Variants in CLTRN observed in about 807,000 individuals in gnomAD.
CLTRN encodes the protein collectrin, amino acid transport regulator, also known as collectrin.
In CLTRN, 12 loss-of-function variants were observed where a neutral mutation model predicts 14.5. The observed-to-expected ratio is 0.83, with a 90% confidence interval of 0.53 to 1.34. The LOEUF is 1.34. Among genes scored for constraint, CLTRN ranks in the 40% most tolerant of loss-of-function variants. The pLI is 0.00. For synonymous variants in CLTRN, 58 were observed against 56.5 expected, an observed-to-expected ratio of 1.03 and a Z score of -0.12; for missense variants, 154 against 165.1, an observed-to-expected ratio of 0.93 and a Z score of 0.37.
chrX:15,633,911 A>G (rs772630086), intron 5 of CLTRN, among the ~76,000 whole-genome samples: 1 of 112,369 alleles, frequency 8.9e-6, no homozygotes, highest in African/African-American at 3.2e-5. Context: ...CACAATACAT[A>G]CTATAGCTCC....
At chrX:15,666,609 C>A (rs771880908), upstream of CLTRN, among the ~76,000 whole-genome samples, 1 of 111,961 alleles carries the variant, frequency 8.9e-6, no homozygotes, top group African/African-American at 3.3e-5. Flanking sequence ...GGACCCACAT[C>A]CATCAGCTAA....
At chrX:15,632,135 T>C (rs755064471) in intron 5 of CLTRN, among the ~76,000 whole-genome samples, 1 of 111,339 alleles carries the variant, frequency 9.0e-6, no homozygotes, top group Non-Finnish European at 1.9e-5. Flanking sequence ...CTCATAAATA[T>C]AGAGAGAAGA....
rs1477508365 is a variant in CLTRN, at chrX:15,664,777, C to T, written c.-2G>A. ...CAGAAAAAAGAGCAGCCACAACATT[C>T]TTTCAGGGTGGAAAACACAAGGCAA... On this transcript the variant is annotated 5_prime_UTR_variant, in exon 1 of 6. Transcript: ENST00000380342. 2.5e-6 allele frequency: 3 copies of T among 1,207,805 alleles called. No individual in the cohort carries two copies. Among genetic ancestry groups the T allele is most frequent in the African/African-American group, 1.7e-5 (1 of 57,615 alleles).
chrX:15,649,156 T>A (rs767435469), intron 3 of CLTRN, among the ~76,000 whole-genome samples: 1 of 110,049 alleles, frequency 9.1e-6, no homozygotes, highest in Non-Finnish European at 1.9e-5. Context: ...ACTGTGGAGG[T>A]GTGAAGTAAG....
At chrX:15,632,833 A>G (rs1350422321) in intron 5 of CLTRN, among the ~76,000 whole-genome samples, 4 of 101,286 alleles carry the variant, frequency 3.9e-5, no homozygotes, top group Admixed American at 1.1e-4. Context: ...GCAGTGAGCC[A>G]AGATCTTGCC....
chrX:15,643,962 T>A (rs1267198338), intron 4 of CLTRN, among the ~76,000 whole-genome samples: 1 of 112,106 alleles, frequency 8.9e-6, no homozygotes, highest in Non-Finnish European at 1.9e-5. Flanking sequence ...TTTTTGAGTA[T>A]ATCTTTGCCC....
chrX:15,640,894 T>C lies in CLTRN; in HGVS notation c.318-1138A>G, dbSNP rs753717237. 4.5e-5 allele frequency among the ~76,000 whole-genome samples: 5 copies of C among 112,003 alleles called. 1 individual carries two copies. The highest frequency in any genetic ancestry group is 1.6e-4 in the African/African-American group (5 of 30,848). On this transcript the variant is annotated intron_variant, in intron 4 of 5. Coordinates refer to ENST00000380342, the MANE Select transcript of CLTRN (RefSeq NM_020665.6). ...AACCACAGTGTGGTACAAAATGTTC[T>C]GTGAAAGAGGCAAATATGGGCACAG...
intron 3 of CLTRN, among the ~76,000 whole-genome samples, chrX:15,650,680 A>C (rs906654273): frequency 2.7e-5 from 3 of 112,221 alleles, no homozygotes; most frequent in Non-Finnish European, 5.6e-5. Context: ...GTTTCTGCCC[A>C]AATATGTAAC....
intron 5 of CLTRN, among the ~76,000 whole-genome samples, chrX:15,628,852 G>A (rs1928625269): frequency 8.9e-6 from 1 of 111,898 alleles, no homozygotes; most frequent in Admixed American, 9.5e-5. Flanking sequence ...GTTTCTCATA[G>A]TTTCACCCTT....
At chrX:15,657,587 A>C (rs1929403215) in intron 3 of CLTRN, among the ~76,000 whole-genome samples, 1 of 111,841 alleles carries the variant, frequency 8.9e-6, no homozygotes, top group South Asian at 3.7e-4. Flanking sequence ...TACAAAGAGA[A>C]TATTTAAGAG....
intron 2 of CLTRN, among the ~76,000 whole-genome samples, chrX:15,660,476 C>A (rs1929479296): frequency 9.1e-6 from 1 of 109,908 alleles, no homozygotes; most frequent in African/African-American, 3.3e-5. Context: ...CTCCTTCAGT[C>A]CTACCTTATG....
intron 2 of CLTRN, among the ~76,000 whole-genome samples, 157 bp from the exon 3 acceptor site, chrX:15,659,258 G>A (rs181944390): frequency 3.0e-4 from 33 of 110,052 alleles, no homozygotes; most frequent in Non-Finnish European, 5.7e-4. Flanking sequence ...TGGAGACCAC[G>A]ATAAATTATA....
chrX:15,644,519 TGA>T (rs746104353), intron 4 of CLTRN, among the ~76,000 whole-genome samples: 161 of 111,779 alleles, frequency 1.4e-3, no homozygotes, highest in African/African-American at 5.1e-3. Flanking sequence ...TTAGTTTGCA[TGA>T]GAGTCATGAT....
intron 5 of CLTRN, among the ~76,000 whole-genome samples, chrX:15,633,663 C>T (rs967358185): frequency 8.0e-5 from 9 of 112,784 alleles, no homozygotes; most frequent in African/African-American, 2.9e-4. Flanking sequence ...GACTGAGCCA[C>T]ATCCGCTTGT....
intron 1 of CLTRN, among the ~76,000 whole-genome samples, chrX:15,672,246 G>A (rs1000013860): frequency 1.8e-5 from 2 of 111,888 alleles, no homozygotes; most frequent in African/African-American, 6.5e-5. Flanking sequence ...TGTGCATGGA[G>A]ACCAATGCTT....
At chrX:15,675,012 G>A (rs1205220488) in exon 1 of CLTRN, 1 of 113,019 alleles carries the variant, frequency 8.8e-6, no homozygotes, top group African/African-American at 3.2e-5. Flanking sequence ...CCTGTTCCGA[G>A]AGAATGGAAG....
chrX:15,672,211 G>T (rs1929732566), intron 1 of CLTRN, among the ~76,000 whole-genome samples: 1 of 111,796 alleles, frequency 8.9e-6, no homozygotes, highest in Admixed American at 9.5e-5. Context: ...GAAAAAAAAA[G>T]TATGTGTGTC....
intron 3 of CLTRN, among the ~76,000 whole-genome samples, chrX:15,654,297 C>T (rs190291494): frequency 1.8e-5 from 2 of 112,534 alleles, no homozygotes; most frequent in African/African-American, 3.2e-5. Flanking sequence ...AAAGAGAAAG[C>T]CTTGCCTGAG....
chrX:15,662,063 T>C (rs1601737479), intron 2 of CLTRN, among the ~76,000 whole-genome samples: 1 of 111,119 alleles, frequency 9.0e-6, no homozygotes, highest in Non-Finnish European at 1.9e-5. Context: ...AAATTCATGA[T>C]GACCTACCCC....
Sources: gnomAD v4.1 joint callset for allele counts (sites outside exome capture counted in the v4.1 genomes callset) on GRCh38, gnomAD v4.1.1 for gene constraint, MANE v1.5 for transcripts, NCBI Gene and HGNC (gene_info 2026-07-23, HGNC 2026-07-21) for gene names.